Variants in TFDP2 observed in about 807,000 individuals in gnomAD.
TFDP2 encodes the protein transcription factor Dp-2 (E2F dimerization partner 2).
In TFDP2, 17 loss-of-function variants were observed where a neutral mutation model predicts 59.3. The ratio of observed to expected loss-of-function variants is 0.29; its 90% CI spans 0.20 to 0.43. The LOEUF (loss-of-function observed/expected upper bound fraction) is 0.43. TFDP2 is among the 20% of genes least tolerant of loss of function. The pLI is 1.00. For missense variants in TFDP2, 391 were observed against 528.8 expected (o/e 0.74, Z 2.56); for synonymous variants, 180 against 194.7 (o/e 0.92, Z 0.63).
Position 141,970,062 on chromosome 3 carries a change from G to A in TFDP2, c.732+11C>T, listed in dbSNP as rs752265299. On this transcript the variant is annotated intron_variant, in intron 9 of 12. Transcript: ENST00000489671. Reference sequence around the variant, plus strand: ...ACAGGGAAGGTAATGAAAACATCTCGGTATCTTTACCTGTAGGAGAAGTTC... The same window carrying A: ...ACAGGGAAGGTAATGAAAACATCTCAGTATCTTTACCTGTAGGAGAAGTTC... The A allele has an allele frequency of 8.1e-6, 13 of 1,612,424 alleles. No homozygotes were observed. The highest frequency in any genetic ancestry group is 6.7e-5 in the East Asian group (3 of 44,882).
At chr3:142,082,562 C>G (rs1186392066) in intron 3 of TFDP2, among the ~76,000 whole-genome samples, 4 of 151,870 alleles carry the variant, frequency 2.6e-5, no homozygotes, top group African/African-American at 9.7e-5. Context: ...GACAAAGAAA[C>G]ATCAAAAAAA....
At chr3:141,954,775 T>C (rs1304046473) in intron 11 of TFDP2, among the ~76,000 whole-genome samples, 1 of 152,118 alleles carries the variant, frequency 6.6e-6, no homozygotes, top group African/African-American at 2.4e-5. Context: ...ACTCAGAAAA[T>C]GTAATCTGCC....
intron 2 of TFDP2, among the ~76,000 whole-genome samples, chr3:142,097,611 G>A (rs1464558731): frequency 6.6e-6 from 1 of 152,138 alleles, no homozygotes; most frequent in Non-Finnish European, 1.5e-5. Flanking sequence ...CTTGAGCCCA[G>A]GAGGTGGAGG....
chr3:142,070,103 C>T lies in TFDP2; in HGVS notation c.82+22958G>A, dbSNP rs189206894. On this transcript the variant is annotated intron_variant, in intron 3 of 12. Transcript: ENST00000489671. ...TGTATTTTTAGTAGAGACAGGGTTT[C>T]GCCATGTTGGCCAGGCTGGTCTCAA... 4.7e-4 allele frequency among the ~76,000 whole-genome samples: 71 copies of T among 151,910 alleles called. 1 individual carries two copies. In the Middle Eastern group the frequency reaches 0.01, roughly 22 times the overall value.
At chr3:141,997,393 T>C (rs1431442383) in intron 4 of TFDP2, among the ~76,000 whole-genome samples, 2 of 152,184 alleles carry the variant, frequency 1.3e-5, no homozygotes, top group Non-Finnish European at 1.5e-5. Flanking sequence ...TGTGAGTTAT[T>C]TGATTAGCCT....
At chr3:142,074,831 G>A (rs755132358) in intron 3 of TFDP2, among the ~76,000 whole-genome samples, 68 of 152,194 alleles carry the variant, frequency 4.5e-4, no homozygotes, top group Admixed American at 7.2e-4. Flanking sequence ...CAGCGTGGGC[G>A]ACAGAGTGAG....
At chr3:142,120,820 C>G (rs2062022077) in intron 1 of TFDP2, among the ~76,000 whole-genome samples, 1 of 152,150 alleles carries the variant, frequency 6.6e-6, no homozygotes, top group Admixed American at 6.5e-5. Flanking sequence ...GGAACAACCA[C>G]TGTTCATAAC....
intron 1 of TFDP2, among the ~76,000 whole-genome samples, chr3:142,147,243 A>G (rs1290558102): frequency 6.6e-6 from 1 of 152,146 alleles, no homozygotes; most frequent in East Asian, 1.9e-4. Flanking sequence ...TTAAAACGGA[A>G]AGGATTTAAG....
Position 142,136,234 on chromosome 3 carries a change from A to G in TFDP2, c.-93+12949T>C, listed in dbSNP as rs147900552. Among the ~76,000 whole-genome samples, 699 of 152,012 alleles carry G rather than the reference A, an allele frequency of 4.6e-3. 5 individuals carry two copies. The highest frequency in any genetic ancestry group is 0.016 in the African/African-American group (653 of 41,488). On this transcript the variant is annotated intron_variant, in intron 1 of 12. Coordinates refer to ENST00000489671, the MANE Select transcript of TFDP2 (RefSeq NM_001178139.2). ...AAGTATCTGTTCATATCCTTTGCCC[A>G]CTTTTTGATAGGATCTTTTTTTCTT... is the stretch of plus-strand genomic sequence containing the variant.
At chr3:142,085,749 T>C (rs55787733) in intron 3 of TFDP2, among the ~76,000 whole-genome samples, 12,954 of 152,218 alleles carry the variant, frequency 0.085, 695 homozygotes, top group Middle Eastern at 0.14. Flanking sequence ...ATTAGAAGTA[T>C]TGCTAATAAC....
chr3:142,027,220 T>TA (rs1191103725), intron 3 of TFDP2, among the ~76,000 whole-genome samples: 1 of 152,178 alleles, frequency 6.6e-6, no homozygotes, highest in East Asian at 1.9e-4. Flanking sequence ...AGGCAATATT[T>TA]AAAGTTTTTT....
intron 2 of TFDP2, among the ~76,000 whole-genome samples, chr3:142,099,610 G>C (rs2061263143): frequency 6.6e-6 from 1 of 151,366 alleles, no homozygotes; most frequent in African/African-American, 2.4e-5. Flanking sequence ...TGAGGCAGGA[G>C]AATCACTTGA....
At chr3:142,071,360 G>T (rs2060243482) in intron 3 of TFDP2, among the ~76,000 whole-genome samples, 1 of 152,076 alleles carries the variant, frequency 6.6e-6, no homozygotes, top group Non-Finnish European at 1.5e-5. Context: ...GTTTCACCAT[G>T]TTGGCCAGGC....
Position 141,959,786 on chromosome 3 carries a change from T to C in TFDP2, c.939A>G (p.Glu313=), listed in dbSNP as rs1465704019. ...DNTFEIHDDI[E]VLKRMGMSFG... ...ACGACATTCCCATCCGCTTTAGTAC[T>C]TCTATGTCATCATGGATCTCAAAGG... The change falls in exon 11 of 13, where the codon GAA becomes GAG. Residue 313 remains glutamate (E), a synonymous_variant. Coordinates refer to ENST00000489671, the MANE Select transcript of TFDP2 (RefSeq NM_001178139.2). 6.2e-7 allele frequency: 1 copy of C among 1,614,212 alleles called. No individual in the cohort carries two copies. Among genetic ancestry groups the C allele is most frequent in the Non-Finnish European group, 8.5e-7 (1 of 1,180,036 alleles).
At chr3:142,099,763 G>A (rs923214858) in intron 2 of TFDP2, among the ~76,000 whole-genome samples, 2 of 151,278 alleles carry the variant, frequency 1.3e-5, no homozygotes, top group African/African-American at 4.9e-5. Flanking sequence ...TCCCCTGAGC[G>A]CCAGAGTCAC....
intron 3 of TFDP2, among the ~76,000 whole-genome samples, chr3:142,023,400 A>G (rs1945821132): frequency 6.6e-6 from 1 of 151,284 alleles, no homozygotes; most frequent in South Asian, 2.1e-4. Context: ...CATGTTGTCC[A>G]GGCTGGTCTC....
intron 3 of TFDP2, among the ~76,000 whole-genome samples, chr3:142,008,062 A>C (rs1944356877): frequency 6.6e-6 from 1 of 152,104 alleles, no homozygotes; most frequent in South Asian, 2.1e-4. Context: ...GTTACCCTCT[A>C]ACTCAGTGAT....
chr3:142,063,146 C>T (rs347690), intron 3 of TFDP2, among the ~76,000 whole-genome samples: 135,665 of 152,206 alleles, frequency 0.89, 60,706 homozygotes, highest in African/African-American at 0.97. Flanking sequence ...AATATCCAGT[C>T]ATGGATATGT....
At chr3:142,115,596 G>A (rs907117010) in intron 1 of TFDP2, among the ~76,000 whole-genome samples, 3 of 152,176 alleles carry the variant, frequency 2.0e-5, no homozygotes, top group Non-Finnish European at 4.4e-5. Context: ...GGGATTACAG[G>A]CGTGAGCCAC....
Sources: allele counts gnomAD v4.1 joint callset (sites outside exome capture counted in the v4.1 genomes callset), GRCh38; gene constraint gnomAD v4.1.1; transcripts MANE v1.5; gene names NCBI Gene and HGNC (gene_info 2026-07-23, HGNC 2026-07-21).